Variants in DPP10 observed in about 807,000 individuals in gnomAD.
The protein encoded by DPP10 is dipeptidyl peptidase like 10.
Under a neutral mutation model 120.9 loss-of-function variants are expected in DPP10, and 33 were observed. The ratio of observed to expected loss-of-function variants is 0.27; its 90% CI spans 0.21 to 0.37. The LOEUF (loss-of-function observed/expected upper bound fraction) is 0.37, where lower values mean the gene tolerates loss of function less well. Ranked by LOEUF, DPP10 falls within the 10% of genes least tolerant of loss-of-function variation. DPP10 has a pLI of 1.00. For missense variants in DPP10, 816 were observed against 942.8 expected, an observed-to-expected ratio of 0.87 and a Z score of 1.76; for synonymous variants, 337 against 326.1, an observed-to-expected ratio of 1.03 and a Z score of -0.36.
At chr2:115,431,310 T>G (rs1559595354) in intron 3 of DPP10, among the ~76,000 whole-genome samples, 1 of 152,142 alleles carries the variant, frequency 6.6e-6, no homozygotes, top group Non-Finnish European at 1.5e-5. Flanking sequence ...AGCATCGGTT[T>G]GAGTAACAAG....
chr2:114,751,396 A>G (rs1014311737), intron 1 of DPP10, among the ~76,000 whole-genome samples: 2 of 152,200 alleles, frequency 1.3e-5, no homozygotes, highest in African/African-American at 4.8e-5. Flanking sequence ...TTAAATGCTC[A>G]GCGTTCATTT....
intron 3 of DPP10, among the ~76,000 whole-genome samples, chr2:115,417,186 A>G (rs1023528943): frequency 1.3e-5 from 2 of 152,180 alleles, no homozygotes; most frequent in Admixed American, 1.3e-4. Context: ...TCCCCAATAT[A>G]GAAGCAGTTC....
In DPP10 at chr2:115,125,872, G is replaced by A. The variant is rs11682868; in HGVS notation, c.61-183367G>A. On this transcript the variant is annotated intron_variant, in intron 1 of 25. Transcript: ENST00000410059. ...GCTGGGATTAAAGGTGCAAGGCACC[G>A]CGCCCAGCCCATAATACCTTTTTAA... 4.8e-3 allele frequency among the ~76,000 whole-genome samples: 723 copies of A among 152,146 alleles called. 1 individual carries two copies. Among genetic ancestry groups the A allele is most frequent in the Non-Finnish European group, 7.6e-3 (514 of 67,994 alleles).
At chr2:115,731,675 T>C (rs568083210) in intron 8 of DPP10, among the ~76,000 whole-genome samples, 1 of 152,112 alleles carries the variant, frequency 6.6e-6, no homozygotes, top group Non-Finnish European at 1.5e-5. Flanking sequence ...ACTCTACTTG[T>C]TATAGGGGGA....
At chr2:115,173,402 A>T (rs1370925380) in intron 1 of DPP10, among the ~76,000 whole-genome samples, 1 of 152,216 alleles carries the variant, frequency 6.6e-6, no homozygotes, top group Non-Finnish European at 1.5e-5. Flanking sequence ...GATGTGCAGC[A>T]TAACAAGCCC....
intron 1 of DPP10, among the ~76,000 whole-genome samples, chr2:114,579,175 A>T (rs1196005590): frequency 1.3e-5 from 2 of 152,156 alleles, no homozygotes; most frequent in African/African-American, 4.8e-5. Flanking sequence ...TTGATTAATG[A>T]CTGGGCCCAC....
At chr2:114,750,447 C>T (rs776710646) in intron 1 of DPP10, among the ~76,000 whole-genome samples, 8 of 152,042 alleles carry the variant, frequency 5.3e-5, no homozygotes, top group Non-Finnish European at 8.8e-5. Context: ...CATTCTCCTG[C>T]CTCAGCCTCC....
chr2:115,777,997 A>T (rs935954067), intron 15 of DPP10, among the ~76,000 whole-genome samples, 163 bp downstream of exon 15: 1 of 152,068 alleles, frequency 6.6e-6, no homozygotes, highest in Non-Finnish European at 1.5e-5. Context: ...CTCTCCCTTG[A>T]CAGGACTGGA....
intron 1 of DPP10, among the ~76,000 whole-genome samples, chr2:115,275,775 C>T (rs2059894388): frequency 1.3e-5 from 2 of 150,124 alleles, no homozygotes; most frequent in South Asian, 4.2e-4. Context: ...TCTCGGCTCA[C>T]TGCAAGCTCT....
chr2:115,535,659 G>C (rs2078778540), intron 5 of DPP10, among the ~76,000 whole-genome samples: 1 of 150,510 alleles, frequency 6.6e-6, no homozygotes, highest in South Asian at 2.1e-4. Context: ...GAAAGGCATT[G>C]GTAGCTTGAT....
intron 1 of DPP10, among the ~76,000 whole-genome samples, chr2:114,482,849 T>A (rs934533435): frequency 6.6e-6 from 1 of 152,192 alleles, no homozygotes; most frequent in African/African-American, 2.4e-5. Context: ...ATAAACCTCT[T>A]GCTCAGTCAC....
chr2:114,467,833 TACAAAACAAA>T (rs142818701), intron 1 of DPP10, among the ~76,000 whole-genome samples: 9,472 of 151,594 alleles, frequency 0.062, 503 homozygotes, highest in African/African-American at 0.14. Flanking sequence ...ACCCCATCTC[TACAAAACAAA>T]ACAAAACAAA....
intron 1 of DPP10, among the ~76,000 whole-genome samples, chr2:115,013,403 C>T (rs1336975617): frequency 6.6e-6 from 1 of 152,024 alleles, no homozygotes; most frequent in African/African-American, 2.4e-5. Context: ...GTAACCCAGC[C>T]TTTCTCTCTG....
chr2:115,823,000 T>A (rs567085155), intron 21 of DPP10, among the ~76,000 whole-genome samples: 9 of 152,198 alleles, frequency 5.9e-5, no homozygotes, highest in African/African-American at 2.2e-4. Context: ...ACTCTTGCTT[T>A]GCTGATGTGT....
Position 115,334,080 on chromosome 2 carries a change from A to T in DPP10, c.176-9737A>T, listed in dbSNP as rs1452436095. On this transcript the variant is annotated intron_variant, in intron 2 of 25. Coordinates refer to ENST00000410059, the MANE Select transcript of DPP10 (RefSeq NM_020868.6). ...GTTGGAAAACACTCTGCAGGATATT[A>T]TCCGGGAGAACTTCCCCAACCTAGC... 7.2e-5 allele frequency among the ~76,000 whole-genome samples: 11 copies of T among 151,788 alleles called. No homozygotes were observed. In the East Asian group the frequency reaches 2.1e-3, roughly 30 times the overall value.
At chr2:115,217,161 G>A (rs1005886276) in intron 1 of DPP10, among the ~76,000 whole-genome samples, 5 of 152,102 alleles carry the variant, frequency 3.3e-5, no homozygotes, top group Admixed American at 3.3e-4. Flanking sequence ...GTAAGGAATA[G>A]GTTTTGAACA....
At chr2:115,203,845 C>G (rs1260275277) in intron 1 of DPP10, among the ~76,000 whole-genome samples, 1 of 152,068 alleles carries the variant, frequency 6.6e-6, no homozygotes, top group Non-Finnish European at 1.5e-5. Flanking sequence ...TCTATTCAAT[C>G]AAAATTCTTT....
chr2:114,973,755 AC>A (rs1265802870), intron 1 of DPP10, among the ~76,000 whole-genome samples: 1 of 151,594 alleles, frequency 6.6e-6, no homozygotes, highest in Non-Finnish European at 1.5e-5. Flanking sequence ...ATAGGAGATG[AC>A]AGCTCCATGC....
chr2:115,204,739 C>T (rs2056001330), intron 1 of DPP10, among the ~76,000 whole-genome samples: 2 of 152,154 alleles, frequency 1.3e-5, no homozygotes, highest in African/African-American at 2.4e-5. Context: ...GACAGCTCCT[C>T]CCGTGGGGAG....
Sources: gnomAD v4.1 joint callset for allele counts (sites outside exome capture counted in the v4.1 genomes callset) on GRCh38, gnomAD v4.1.1 for gene constraint, MANE v1.5 for transcripts, NCBI Gene and HGNC (gene_info 2026-07-23, HGNC 2026-07-21) for gene names.